Variants in SASS6 observed in about 807,000 individuals in gnomAD.
SASS6 encodes SAS-6 centriolar assembly protein, also known as spindle assembly abnormal protein 6 homolog.
SASS6 carries 59 observed loss-of-function variants against 94.9 expected under a neutral mutation model. That is an observed-to-expected ratio of 0.62 (90% CI 0.50 to 0.77). SASS6 has a LOEUF of 0.77. Ranked by LOEUF, SASS6 falls within the 30% of genes least tolerant of loss-of-function variation. The probability of loss-of-function intolerance (pLI) is 0.00; values close to 1 mark genes in which losing one functional copy is unlikely to be tolerated. For missense variants in SASS6, 698 were observed against 734.1 expected (o/e 0.95, Z 0.57); for synonymous variants, 264 against 270.0 (o/e 0.98, Z 0.22).
At chr1:100,101,121 A>G (rs1237090923) in intron 14 of SASS6, among the ~76,000 whole-genome samples, 1 of 152,206 alleles carries the variant, frequency 6.6e-6, no homozygotes, top group African/African-American at 2.4e-5. Flanking sequence ...TATAAGTGGG[A>G]AAACTGAAGT....
At chr1:100,088,655 A>G (rs1570680854) in intron 14 of SASS6, among the ~76,000 whole-genome samples, 1 of 152,250 alleles carries the variant, frequency 6.6e-6, no homozygotes, top group East Asian at 1.9e-4. Flanking sequence ...CCATAAAAAT[A>G]CAGGCTTTGG....
At chr1:100,112,607 T>C (rs1044824762) in intron 7 of SASS6, among the ~76,000 whole-genome samples, 1 of 152,232 alleles carries the variant, frequency 6.6e-6, no homozygotes, top group African/African-American at 2.4e-5. Context: ...CTTGAATAGA[T>C]AAGTGACAAA....
At chr1:100,117,233 A>G (rs1028254774) in intron 7 of SASS6, among the ~76,000 whole-genome samples, 10 of 151,852 alleles carry the variant, frequency 6.6e-5, no homozygotes, top group African/African-American at 2.2e-4. Context: ...CAAAGGTTGC[A>G]ATGAGCCAAA....
At chr1:100,127,342 G>T (rs1231237527) in intron 1 of SASS6, among the ~76,000 whole-genome samples, 1 of 152,116 alleles carries the variant, frequency 6.6e-6, no homozygotes, top group East Asian at 1.9e-4. Context: ...CAAGTAAAAA[G>T]TATAAACAGC....
chr1:100,102,363 C>A (rs761257465), intron 14 of SASS6, among the ~76,000 whole-genome samples: 64 of 152,012 alleles, frequency 4.2e-4, no homozygotes, highest in Admixed American at 1.7e-3. Context: ...GTAGGAGACA[C>A]AAGTAGAAGA....
chr1:100,112,232 T>A (rs574649955), intron 7 of SASS6, among the ~76,000 whole-genome samples: 1 of 152,194 alleles, frequency 6.6e-6, no homozygotes, highest in South Asian at 2.1e-4. Flanking sequence ...ACACAGTAGT[T>A]TTGGAAGAAT....
chr1:100,092,668 C>T (rs1318161264), intron 14 of SASS6, among the ~76,000 whole-genome samples: 5 of 152,122 alleles, frequency 3.3e-5, no homozygotes, highest in East Asian at 1.9e-4. Context: ...CTCCGCCTCC[C>T]GAGTTCAAGT....
rs112208230 is a variant in SASS6, at chr1:100,105,452, G to A, written c.1545+315C>T. 0.033 allele frequency among the ~76,000 whole-genome samples: 5,023 copies of A among 151,956 alleles called. 305 individuals carry two copies. Among genetic ancestry groups the A allele is most frequent in the African/African-American group, 0.11 (4,719 of 41,430 alleles). ...TGAGGCAGGAGAATGGTGTGAACCC[G>A]GGAGGCGGAGCTTGCAGTGAGCCGA... On this transcript the variant is annotated intron_variant, in intron 13 of 16. Coordinates refer to ENST00000287482, the MANE Select transcript of SASS6 (RefSeq NM_194292.3).
chr1:100,104,269 AAC>A (rs1249840270), intron 13 of SASS6, among the ~76,000 whole-genome samples: 1 of 152,208 alleles, frequency 6.6e-6, no homozygotes. Context: ...ATGATTATGA[AAC>A]AGTCTTGTTT....
chr1:100,121,769 A>G (rs187750383), intron 4 of SASS6, among the ~76,000 whole-genome samples: 458 of 152,324 alleles, frequency 3.0e-3, no homozygotes, highest in African/African-American at 0.01. Context: ...AGAAAAAGCA[A>G]AAACTAGAAA....
chr1:100,093,313 G>A (rs1271905427), intron 14 of SASS6, among the ~76,000 whole-genome samples: 2 of 151,118 alleles, frequency 1.3e-5, no homozygotes, highest in Non-Finnish European at 1.5e-5. Flanking sequence ...CCCAACAGCT[G>A]GGACCACAGG....
At chr1:100,085,959 C>T (rs768928476) in intron 15 of SASS6, among the ~76,000 whole-genome samples, 2 of 152,128 alleles carry the variant, frequency 1.3e-5, no homozygotes, top group Non-Finnish European at 2.9e-5. Context: ...GAGAGTAACA[C>T]TATTAATTTC....
intron 4 of SASS6, among the ~76,000 whole-genome samples, chr1:100,121,912 A>T (rs1048801547): frequency 2.0e-5 from 3 of 152,212 alleles, no homozygotes; most frequent in African/African-American, 7.2e-5. Context: ...TTGCTGAGGA[A>T]AAGTTCTTCT....
intron 15 of SASS6, among the ~76,000 whole-genome samples, chr1:100,087,181 C>G (rs972709080): frequency 1.3e-5 from 2 of 151,570 alleles, no homozygotes; most frequent in Admixed American, 6.6e-5. Context: ...GGAGTTTCAC[C>G]ATGTTGGCCA....
At chr1:100,114,956 T>G (rs991457786) in intron 7 of SASS6, among the ~76,000 whole-genome samples, 2 of 152,166 alleles carry the variant, frequency 1.3e-5, no homozygotes, top group Admixed American at 6.5e-5. Flanking sequence ...ATTAAAATTC[T>G]CAGGTAGCAA....
intron 7 of SASS6, among the ~76,000 whole-genome samples, chr1:100,118,100 A>T (rs964892495): frequency 1.3e-5 from 2 of 152,036 alleles, no homozygotes; most frequent in African/African-American, 2.4e-5. Context: ...CAGATCACCT[A>T]AGGTTGGGAG....
intron 1 of SASS6, among the ~76,000 whole-genome samples, chr1:100,128,620 C>T (rs557484074): frequency 2.0e-4 from 31 of 152,234 alleles, no homozygotes; most frequent in Non-Finnish European, 3.5e-4. Flanking sequence ...TCAGAGGATA[C>T]GCTAACTAAA....
chr1:100,107,031 T>C, intron 11 of SASS6, 38 bp from the exon 12 acceptor site: 1 of 863,108 alleles, frequency 1.2e-6, no homozygotes, highest in Non-Finnish European at 1.9e-6. Flanking sequence ...TCAAGCAAAA[T>C]AAAGGTTAAA....
At chr1:100,116,514 A>G (rs1417466516) in intron 7 of SASS6, among the ~76,000 whole-genome samples, 1 of 152,206 alleles carries the variant, frequency 6.6e-6, no homozygotes, top group African/African-American at 2.4e-5. Context: ...ACTACAACCT[A>G]GCCATTCCAA....
Sources: gnomAD v4.1 joint callset for allele counts (sites outside exome capture counted in the v4.1 genomes callset) on GRCh38, gnomAD v4.1.1 for gene constraint, MANE v1.5 for transcripts, NCBI Gene and HGNC (gene_info 2026-07-23, HGNC 2026-07-21) for gene names.